The following ZNF680 variants were observed in gnomAD, a reference collection of about 807,000 sequenced individuals.
ZNF680 encodes the protein hypothetical protein FLJ90430.
A neutral mutation model predicts 12.1 loss-of-function variants in ZNF680; 6 were observed. That is an observed-to-expected ratio of 0.49 (90% CI 0.27 to 0.98). The LOEUF is 0.98. Among genes scored for constraint, ZNF680 ranks in the 50% least tolerant of loss-of-function variants. The pLI, the probability that ZNF680 is intolerant of heterozygous loss-of-function variation, is 0.12. For synonymous variants in ZNF680, 170 were observed against 199.3 expected (o/e 0.85, Z 1.24); for missense variants, 561 against 616.3 (o/e 0.91, Z 0.95).
rs1337330182 is a variant in ZNF680 at position 64,544,421 on chromosome 7, T to C, written c.42A>G (p.Thr14=). 2 of 1,596,896 alleles carry C rather than the reference T, an allele frequency of 1.3e-6. No individual in the cohort carries two copies. The highest frequency in any genetic ancestry group is 4.5e-5 in the East Asian group (2 of 44,240). The part of the protein sequence containing the change: ...PPGSLEMGPL[T]FRDVAIEFSL... ...AGAATTCTATGGCCACATCCCTAAA[T>C]GTCAGTGGTCCCTGAAAAACACACA... Residue 14 remains threonine (T), a synonymous_variant, in exon 2 of 4, where the codon ACA becomes ACG. Coordinates refer to ENST00000309683, the MANE Select transcript of ZNF680 (RefSeq NM_178558.5).
At chr7:64,527,433 C>T (rs144898825) in intron 3 of ZNF680, among the ~76,000 whole-genome samples, 41 of 152,206 alleles carry the variant, frequency 2.7e-4, no homozygotes, top group African/African-American at 8.9e-4. Context: ...CAGTGGCTCA[C>T]GCCTGTAATC....
intron 2 of ZNF680, 160 bp downstream of exon 2, chr7:64,544,146 T>C: frequency 9.2e-7 from 1 of 1,092,006 alleles, no homozygotes; most frequent in Non-Finnish European, 1.3e-6. Context: ...TGAAACGTAC[T>C]GAAGGAATTT....
At chr7:64,560,300 G>A (rs529644383) in intron 1 of ZNF680, among the ~76,000 whole-genome samples, 5 of 151,996 alleles carry the variant, frequency 3.3e-5, no homozygotes, top group South Asian at 4.1e-4. Flanking sequence ...TTTTAGTAGC[G>A]ACAAGGCTTC....
intron 1 of ZNF680, among the ~76,000 whole-genome samples, chr7:64,545,817 A>G (rs531672146): frequency 6.6e-6 from 1 of 152,332 alleles, no homozygotes; most frequent in East Asian, 1.9e-4. Context: ...GAGCTAATAG[A>G]GAACACAGAT....
At chr7:64,545,193 G>A (rs1244525781) in intron 1 of ZNF680, among the ~76,000 whole-genome samples, 2 of 150,944 alleles carry the variant, frequency 1.3e-5, no homozygotes, top group Admixed American at 6.6e-5. Flanking sequence ...GAACCTGGGA[G>A]GTGGAGGTTG....
intron 3 of ZNF680, among the ~76,000 whole-genome samples, chr7:64,528,057 G>C (rs925399945): frequency 1.3e-5 from 2 of 152,150 alleles, no homozygotes; most frequent in African/African-American, 4.8e-5. Flanking sequence ...TGAAGGTCTA[G>C]TTTGTGGGAG....
At chr7:64,518,620 G>A (rs570270448), downstream of ZNF680, among the ~76,000 whole-genome samples, 10 of 151,902 alleles carry the variant, frequency 6.6e-5, no homozygotes, top group African/African-American at 2.4e-4. Flanking sequence ...CACAAAAACA[G>A]CATGGTACTG....
At chr7:64,541,549 C>T (rs1234807491) in intron 3 of ZNF680, among the ~76,000 whole-genome samples, 3 of 152,092 alleles carry the variant, frequency 2.0e-5, no homozygotes, top group Non-Finnish European at 4.4e-5. Flanking sequence ...AAAATAAGTG[C>T]CTTTAAGAGA....
intron 1 of ZNF680, among the ~76,000 whole-genome samples, chr7:64,549,678 T>TC (rs1554332656): frequency 1.4e-5 from 2 of 142,466 alleles, no homozygotes; most frequent in Non-Finnish European, 3.1e-5. Flanking sequence ...TATGTCTACC[T>TC]AAAAAAAAAA....
At chr7:64,516,889 G>T (rs933184315), downstream of ZNF680, among the ~76,000 whole-genome samples, 1 of 151,856 alleles carries the variant, frequency 6.6e-6, no homozygotes, top group African/African-American at 2.4e-5. Context: ...ATAAAATCAA[G>T]ACAAAAAATA....
intron 1 of ZNF680, among the ~76,000 whole-genome samples, chr7:64,558,981 T>C (rs1470348580): frequency 1.3e-5 from 2 of 151,958 alleles, no homozygotes; most frequent in African/African-American, 2.4e-5. Context: ...AGAGGGAGTG[T>C]AGGTGATGAG....
intron 3 of ZNF680, among the ~76,000 whole-genome samples, chr7:64,532,253 C>T (rs1416426647): frequency 2.7e-5 from 4 of 150,740 alleles, no homozygotes; most frequent in South Asian, 4.2e-4. Flanking sequence ...TGCAGTGAGC[C>T]GAGATCGTAC....
chr7:64,524,744 A>T (rs990184337), intron 3 of ZNF680: 20 of 152,334 alleles, frequency 1.3e-4, no homozygotes, highest in African/African-American at 4.8e-4. Context: ...AATACCTCAT[A>T]CGAAATTCTC....
chr7:64,503,381 T>C, the ZNF680 span, among the ~76,000 whole-genome samples: 1 of 73,180 alleles, frequency 1.4e-5, no homozygotes, highest in Non-Finnish European at 2.8e-5. Flanking sequence ...TGGAAGGCTT[T>C]TTTTTTTTTT....
At chr7:64,525,591 T>C (rs13230924) in intron 3 of ZNF680, 94,794 of 289,116 alleles carry the variant, frequency 0.33, 16,467 homozygotes, top group African/African-American at 0.48. Context: ...CTTTGCAAGA[T>C]AAAAACATTT....
chr7:64,554,058 G>A (rs1406404014), intron 1 of ZNF680, among the ~76,000 whole-genome samples: 3 of 151,640 alleles, frequency 2.0e-5, no homozygotes, highest in Non-Finnish European at 4.4e-5. Context: ...CCTCTGGGAT[G>A]TGAGGAGCCC....
rs575091808 is a variant in ZNF680 at position 64,553,363 on chromosome 7, G to A, written c.31-8931C>T. 9.2e-5 allele frequency among the ~76,000 whole-genome samples: 14 copies of A among 152,268 alleles called. No homozygotes were observed. In the South Asian group the frequency reaches 2.5e-3, roughly 27 times the overall value. ...AAATGCTTTAAGAAAAGAGAGATGA[G>A]GATAATAGCCTTAATAGCCTTCCTT... On this transcript the variant is annotated intron_variant, in intron 1 of 3. Coordinates refer to ENST00000309683, the MANE Select transcript of ZNF680 (RefSeq NM_178558.5).
At position 64,522,859 on chromosome 7, in the gene ZNF680, A is replaced by G. The variant is rs545379214; in HGVS notation, c.254-359T>C. On this transcript the variant is annotated intron_variant, in intron 3 of 3. Coordinates refer to ENST00000309683, the MANE Select transcript of ZNF680 (RefSeq NM_178558.5). ...TTGCAGGCAAGAAAAGAAGTGTGTG[A>G]TATAGTCAAAGTCATGAAAAAAATA... Among the ~76,000 whole-genome samples the G allele has an allele frequency of 1.1e-3, 164 of 152,116 alleles. 1 individual carries two copies. The highest frequency in any genetic ancestry group is 3.8e-3 in the African/African-American group (157 of 41,572).
intron 3 of ZNF680, among the ~76,000 whole-genome samples, chr7:64,527,273 A>C (rs1562742510): frequency 6.6e-6 from 1 of 152,104 alleles, no homozygotes; most frequent in Non-Finnish European, 1.5e-5. Flanking sequence ...AAACAAAAAT[A>C]AGCACTAAAA....
Sources: gnomAD v4.1 joint callset for allele counts (sites outside exome capture counted in the v4.1 genomes callset) on GRCh38, gnomAD v4.1.1 for gene constraint, MANE v1.5 for transcripts, NCBI Gene and HGNC (gene_info 2026-07-23, HGNC 2026-07-21) for gene names.